Variants in CDK14 observed in about 807,000 individuals in gnomAD.
The protein encoded by CDK14 is cyclin dependent kinase 14.
CDK14 carries 34 observed loss-of-function variants against 60.7 expected under a neutral mutation model. That is an observed-to-expected ratio of 0.56 (90% confidence interval 0.43 to 0.75). The LOEUF is 0.75. CDK14 is among the 30% of genes least tolerant of loss of function. The probability of loss-of-function intolerance (pLI) is 0.00; values close to 1 mark genes in which losing one functional copy is unlikely to be tolerated. For missense variants in CDK14, 482 were observed against 564.1 expected, an observed-to-expected ratio of 0.85 and a Z score of 1.47; for synonymous variants, 197 against 203.7, an observed-to-expected ratio of 0.97 and a Z score of 0.28.
rs1236941425 is a variant in CDK14, at chr7:90,604,224, A to G, written c.98A>G (p.Lys33Arg). ...TTTCCTTCTTATTTTATAGCTTTGAAGAAAGATGACACCACCTTTGATGAG... is the reference window on the plus strand; with the variant it reads ...TTTCCTTCTTATTTTATAGCTTTGAGGAAAGATGACACCACCTTTGATGAG... ...LSESFSRIAL[K>R]KDDTTFDEIC... Residue 33 changes from lysine (K) to arginine (R), a missense_variant, in exon 2 of 15, where the codon AAG (lysine) becomes AGG (arginine). Physicochemically the swap from Lys to Arg is conservative, Grantham distance 26. Transcript: ENST00000380050. The G allele has an allele frequency of 1.9e-6, 3 of 1,540,256 alleles. No homozygotes were observed. The highest frequency in any genetic ancestry group is 1.4e-5 in the African/African-American group (1 of 72,096).
chr7:90,700,340 C>A (rs1379692770), intron 2 of CDK14, among the ~76,000 whole-genome samples: 1 of 152,148 alleles, frequency 6.6e-6, no homozygotes, highest in Admixed American at 6.5e-5. Flanking sequence ...AGTCCGGCCA[C>A]CTTGGCCTCC....
chr7:91,147,918 C>A (rs759122357), intron 14 of CDK14, among the ~76,000 whole-genome samples: 6 of 152,102 alleles, frequency 3.9e-5, no homozygotes, highest in Non-Finnish European at 8.8e-5. Context: ...GGGAATCAGT[C>A]AAGTAGTAAA....
At chr7:91,139,810 C>CTTTCTTTCT (rs762425274) in intron 14 of CDK14, among the ~76,000 whole-genome samples, 1 of 136,030 alleles carries the variant, frequency 7.4e-6, no homozygotes, top group East Asian at 2.3e-4. Context: ...TTCTTTCTTT[C>CTTTCTTTCT]TTTCTTTTCT....
chr7:90,662,440 A>G (rs1452007670), intron 2 of CDK14, among the ~76,000 whole-genome samples: 2 of 152,226 alleles, frequency 1.3e-5, no homozygotes, highest in African/African-American at 2.4e-5. Flanking sequence ...GGACATTTAA[A>G]TGGGGACATT....
chr7:90,615,447 G>C (rs1382886471), intron 2 of CDK14, among the ~76,000 whole-genome samples: 1 of 152,180 alleles, frequency 6.6e-6, no homozygotes, highest in African/African-American at 2.4e-5. Context: ...CAGAGTTTGG[G>C]AACTATTCTA....
intron 4 of CDK14, among the ~76,000 whole-genome samples, chr7:90,772,613 T>G (rs1804829466): frequency 6.6e-6 from 1 of 152,142 alleles, no homozygotes; most frequent in Admixed American, 6.5e-5. Context: ...CTCCACCAAG[T>G]GAGGAACGTG....
At chr7:90,800,918 T>C (rs1788609355) in intron 5 of CDK14, among the ~76,000 whole-genome samples, 1 of 152,212 alleles carries the variant, frequency 6.6e-6, no homozygotes, top group African/African-American at 2.4e-5. Context: ...GTTACATCAC[T>C]TCGATCTCTG....
intron 9 of CDK14, among the ~76,000 whole-genome samples, chr7:90,978,387 G>A (rs1795136322): frequency 6.6e-6 from 1 of 152,056 alleles, no homozygotes; most frequent in Non-Finnish European, 1.5e-5. Context: ...CGTATGTAGG[G>A]TATGAGTAGA....
chr7:91,082,743 G>T (rs1234229767), intron 12 of CDK14, among the ~76,000 whole-genome samples: 55 of 152,150 alleles, frequency 3.6e-4, no homozygotes, highest in Admixed American at 3.6e-3. Flanking sequence ...TTGCTAGATA[G>T]TTGAGTTACA....
intron 12 of CDK14, among the ~76,000 whole-genome samples, chr7:91,102,428 A>G (rs957622333): frequency 5.3e-5 from 8 of 152,194 alleles, no homozygotes; most frequent in African/African-American, 1.9e-4. Flanking sequence ...TGAATGGTCT[A>G]ATATGTAAAT....
At position 91,145,040 on chromosome 7, in the gene CDK14, G is replaced by T. The variant is rs527749789; in HGVS notation, c.*28+26832G>T. Among the ~76,000 whole-genome samples, 9 of 152,248 alleles carry T rather than the reference G, an allele frequency of 5.9e-5. No homozygotes were observed. In the South Asian group the frequency reaches 1.9e-3, roughly 32 times the overall value. ...CCTTTTTATTCTTACTTAACTATTT[G>T]CTGAAGCTTATGTGAGTTAAGCCAT... On this transcript the variant is annotated intron_variant, in intron 14 of 14. Transcript: ENST00000380050.
intron 8 of CDK14, among the ~76,000 whole-genome samples, chr7:90,925,052 A>G (rs1279763198): frequency 6.6e-6 from 1 of 151,862 alleles, no homozygotes; most frequent in Non-Finnish European, 1.5e-5. Context: ...CTTTTTTTTT[A>G]TTTTTACCAC....
chr7:91,161,523 C>A (rs1801168088), intron 14 of CDK14, among the ~76,000 whole-genome samples: 1 of 152,174 alleles, frequency 6.6e-6, no homozygotes, highest in African/African-American at 2.4e-5. Context: ...TTACAAATAA[C>A]AGCACAAGTT....
chr7:90,780,298 G>C (rs1398544666), intron 4 of CDK14, among the ~76,000 whole-genome samples: 4 of 151,934 alleles, frequency 2.6e-5, no homozygotes, highest in Admixed American at 6.6e-5. Context: ...GAAAATGTTT[G>C]ATATATTCTG....
chr7:91,156,362 C>G (rs1242687899), intron 14 of CDK14, among the ~76,000 whole-genome samples: 1 of 152,140 alleles, frequency 6.6e-6, no homozygotes, highest in Non-Finnish European at 1.5e-5. Context: ...GTCCTGTTTT[C>G]TATTACTTCT....
At chr7:90,800,688 G>A (rs1055037757) in intron 5 of CDK14, among the ~76,000 whole-genome samples, 5 of 152,078 alleles carry the variant, frequency 3.3e-5, no homozygotes, top group Non-Finnish European at 5.9e-5. Flanking sequence ...TTCATTTCTT[G>A]CATTTCATGT....
intron 14 of CDK14, among the ~76,000 whole-genome samples, chr7:91,155,540 G>C (rs865914704): frequency 4.6e-5 from 7 of 152,096 alleles, no homozygotes; most frequent in South Asian, 2.1e-4. Flanking sequence ...AAGAAAACTT[G>C]TGAAGCAGTT....
intron 7 of CDK14, among the ~76,000 whole-genome samples, chr7:90,903,914 G>A (rs1002350853): frequency 2.0e-5 from 3 of 152,098 alleles, no homozygotes; most frequent in African/African-American, 7.2e-5. Context: ...GCAAGGAGGA[G>A]AGGCCAAGAT....
chr7:90,639,365 A>C (rs1302291706), intron 2 of CDK14, among the ~76,000 whole-genome samples: 1 of 152,010 alleles, frequency 6.6e-6, no homozygotes, highest in Non-Finnish European at 1.5e-5. Context: ...CCTCAGCTGC[A>C]GGTCTGTTGG....
Sources: gnomAD v4.1 joint callset for allele counts (sites outside exome capture counted in the v4.1 genomes callset) on GRCh38, gnomAD v4.1.1 for gene constraint, MANE v1.5 for transcripts, NCBI Gene and HGNC (gene_info 2026-07-23, HGNC 2026-07-21) for gene names.